The following TRPM3 variants were observed in gnomAD, a reference collection of about 807,000 sequenced individuals.
TRPM3 encodes the protein transient receptor potential cation channel subfamily M member 3, also known as long transient receptor potential channel 3.
TRPM3 carries 77 observed loss-of-function variants against 181.2 expected under a neutral mutation model. The observed-to-expected ratio is 0.42, with a 90% CI of 0.35 to 0.51. The LOEUF is 0.51. TRPM3 is among the 20% of genes least tolerant of loss of function. The pLI is 0.01. For missense variants in TRPM3, 1,759 were observed against 2,196.7 expected (o/e 0.80, Z 3.98); for synonymous variants, 745 against 796.4 (o/e 0.94, Z 1.09).
intron 1 of TRPM3, among the ~76,000 whole-genome samples, chr9:70,902,683 A>G (rs2096403358): frequency 6.6e-6 from 1 of 152,234 alleles, no homozygotes; most frequent in South Asian, 2.1e-4. Context: ...TTAAGGACAT[A>G]TCCAGTCCCA....
intron 1 of TRPM3, among the ~76,000 whole-genome samples, chr9:71,240,769 G>A (rs560514584): frequency 1.3e-5 from 2 of 152,164 alleles, no homozygotes; most frequent in South Asian, 4.1e-4. Context: ...TATTCAGGGA[G>A]AAAACCAAAA....
chr9:71,132,458 G>T (rs142350622), intron 1 of TRPM3, among the ~76,000 whole-genome samples: 268 of 152,274 alleles, frequency 1.8e-3, no homozygotes, highest in African/African-American at 6.2e-3. Flanking sequence ...GGTTGTCAGG[G>T]ATCATTCGGG....
chr9:71,090,743 T>C (rs1308789060), intron 1 of TRPM3, among the ~76,000 whole-genome samples: 2 of 152,156 alleles, frequency 1.3e-5, no homozygotes, highest in African/African-American at 4.8e-5. Flanking sequence ...ACAAGTTATT[T>C]AACTTCTCCA....
intron 12 of TRPM3, among the ~76,000 whole-genome samples, chr9:70,631,111 C>T (rs1277951719): frequency 3.3e-5 from 5 of 152,174 alleles, no homozygotes; most frequent in African/African-American, 1.2e-4. Context: ...GAAGAAAAGA[C>T]TCCCCTGGGA....
At chr9:70,753,638 C>A (rs1446299335) in intron 8 of TRPM3, among the ~76,000 whole-genome samples, 1 of 152,072 alleles carries the variant, frequency 6.6e-6, no homozygotes, top group Admixed American at 6.6e-5. Context: ...CATGTTTTTA[C>A]ACAGATTGCT....
chr9:70,805,116 T>C (rs573068206), intron 6 of TRPM3, among the ~76,000 whole-genome samples: 19 of 151,754 alleles, frequency 1.3e-4, no homozygotes, highest in Non-Finnish European at 2.8e-4. Flanking sequence ...AGAGGCTCTA[T>C]CTTAACATTC....
intron 8 of TRPM3, among the ~76,000 whole-genome samples, chr9:70,687,599 G>C (rs2067296968): frequency 6.6e-6 from 1 of 152,146 alleles, no homozygotes; most frequent in South Asian, 2.1e-4. Flanking sequence ...TATATCTTCT[G>C]CTCTCTTGTG....
At chr9:70,763,453 G>C (rs946176720) in intron 7 of TRPM3, among the ~76,000 whole-genome samples, 4 of 152,192 alleles carry the variant, frequency 2.6e-5, no homozygotes, top group African/African-American at 7.2e-5. Context: ...AGTGAGCCAA[G>C]ATCACACCAC....
At chr9:70,594,260 A>G (rs1387812202) in intron 21 of TRPM3, among the ~76,000 whole-genome samples, 1 of 152,106 alleles carries the variant, frequency 6.6e-6, no homozygotes, top group African/African-American at 2.4e-5. Flanking sequence ...CATGTGAAAC[A>G]ATGTGGTAAG....
intron 22 of TRPM3, among the ~76,000 whole-genome samples, chr9:70,585,607 C>T (rs1448955161): frequency 1.3e-5 from 2 of 152,268 alleles, no homozygotes; most frequent in African/African-American, 2.4e-5. Flanking sequence ...GAAACCTTGG[C>T]GTAATCTCCA....
At chr9:70,899,332 G>GA (rs2096347068) in intron 1 of TRPM3, among the ~76,000 whole-genome samples, 1 of 152,118 alleles carries the variant, frequency 6.6e-6, no homozygotes, top group African/African-American at 2.4e-5. Flanking sequence ...GGTCTTTCTG[G>GA]AAAACCTGAT....
At chr9:70,798,091 A>T (rs981654503) in intron 6 of TRPM3, among the ~76,000 whole-genome samples, 1 of 152,140 alleles carries the variant, frequency 6.6e-6, no homozygotes, top group Non-Finnish European at 1.5e-5. Flanking sequence ...GTCTCACTCC[A>T]TCACCCAGGT....
chr9:71,148,004 T>A (rs2075521027), intron 1 of TRPM3, among the ~76,000 whole-genome samples: 1 of 152,000 alleles, frequency 6.6e-6, no homozygotes, highest in Admixed American at 6.6e-5. Context: ...AGCCAGCAAG[T>A]CTCCTTCCTT....
intron 8 of TRPM3, among the ~76,000 whole-genome samples, chr9:70,754,374 T>C (rs748968574): frequency 4.9e-4 from 74 of 152,314 alleles, no homozygotes; most frequent in Non-Finnish European, 9.0e-4. Flanking sequence ...TAATTTCTAT[T>C]CTTTACCTGA....
At chr9:70,565,921 A>G (rs2050471122) in intron 22 of TRPM3, among the ~76,000 whole-genome samples, 3 of 152,294 alleles carry the variant, frequency 2.0e-5, no homozygotes, top group African/African-American at 7.2e-5. Context: ...AATAGTGTTA[A>G]TAACAGTGAT....
intron 6 of TRPM3, among the ~76,000 whole-genome samples, chr9:70,806,069 T>A (rs566550616): frequency 6.6e-6 from 1 of 152,298 alleles, no homozygotes; most frequent in Admixed American, 6.5e-5. Flanking sequence ...CCAGCAGGAA[T>A]TGCCCAGTAC....
intron 9 of TRPM3, among the ~76,000 whole-genome samples, chr9:70,674,139 G>A (rs1246835408): frequency 6.6e-6 from 1 of 152,122 alleles, no homozygotes; most frequent in African/African-American, 2.4e-5. Context: ...GGGGCAGCAA[G>A]TCTTGTACAC....
At position 70,898,762 on chromosome 9, in the gene TRPM3, AAAAAG is replaced by A. The variant is rs995013288; in HGVS notation, c.178-34256_178-34252del. The stretch of plus-strand genomic sequence containing the variant: ...GACTTCATCTCAAAAAAAAAAAAAA[AAAAAG>A]AAAAGAAAAGAAAAGAAAAGAAAGA... On this transcript the variant is annotated intron_variant, in intron 1 of 25. Transcript: ENST00000677713. Among the ~76,000 whole-genome samples the A allele has an allele frequency of 2.4e-3, 341 of 143,062 alleles. 1 individual carries two copies. The highest frequency in any genetic ancestry group is 5.3e-3 in the African/African-American group (205 of 38,786). The allele number at this position is 143,062 out of a possible 152,430, so 93.9% of individuals were successfully genotyped here.
intron 1 of TRPM3, among the ~76,000 whole-genome samples, chr9:71,374,442 T>C (rs2092613677): frequency 6.6e-6 from 1 of 152,074 alleles, no homozygotes; most frequent in African/African-American, 2.4e-5. Context: ...TAAGAGATTA[T>C]ACCTCAAAGT....
Sources: gnomAD v4.1 joint callset for allele counts (sites outside exome capture counted in the v4.1 genomes callset) on GRCh38, gnomAD v4.1.1 for gene constraint, MANE v1.5 for transcripts, NCBI Gene and HGNC (gene_info 2026-07-23, HGNC 2026-07-21) for gene names.